Variants in PLCXD1 observed in about 807,000 individuals in gnomAD.
PLCXD1 encodes the protein phosphatidylinositol specific phospholipase C X domain containing 1.
A neutral mutation model predicts 37.8 loss-of-function variants in PLCXD1; 45 were observed. The observed-to-expected ratio is 1.19, with a 90% CI of 0.94 to 1.53. The LOEUF is 1.53. Among genes scored for constraint, PLCXD1 ranks in the 40% most tolerant of loss-of-function variants. PLCXD1 has a pLI of 0.00. For missense variants in PLCXD1, 539 were observed against 454.7 expected, an observed-to-expected ratio of 1.19 and a Z score of -1.69; for synonymous variants, 246 against 206.9, an observed-to-expected ratio of 1.19 and a Z score of -1.62.
intron 1 of PLCXD1, among the ~76,000 whole-genome samples, chrX:282,391 A>AT: frequency 9.9e-6 from 1 of 101,414 alleles, no homozygotes; most frequent in South Asian, 2.6e-4. Context: ...TTTAAAAAAA[A>AT]CAAAACAAAA....
rs2070047842 is a variant in PLCXD1, at chrX:302,472, C to A, written c.*3137C>A. 6.6e-6 allele frequency: 1 copy of A among 152,264 alleles called. No individual in the cohort carries two copies. Among genetic ancestry groups the A allele is most frequent in the African/African-American group, 2.4e-5 (1 of 41,456 alleles). The allele number at this position is 152,264 out of a possible 1,614,324, so 9.4% of individuals were successfully genotyped here. ...GCAATGGCACGATCTCAGCTCACTG[C>A]AACCTCTGCCTCCCGGGTTCAAGTG... On this transcript the variant is annotated 3_prime_UTR_variant, in exon 7 of 7. Coordinates refer to ENST00000381657, the MANE Select transcript of PLCXD1 (RefSeq NM_018390.4).
intron 6 of PLCXD1, 49 bp from the exon 7 acceptor site, chrX:299,048 C>T (rs772527833): frequency 1.8e-5 from 24 of 1,348,120 alleles, no homozygotes; most frequent in South Asian, 1.4e-4. Context: ...GAGAAACAGG[C>T]GGGTGAGGCC....
intron 3 of PLCXD1, among the ~76,000 whole-genome samples, chrX:289,379 G>T (rs182139114): frequency 2.6e-5 from 4 of 151,210 alleles, no homozygotes; most frequent in Admixed American, 1.3e-4. Flanking sequence ...GAGCCACCGC[G>T]CCCGGCCCAG....
rs1299629559 is a variant in PLCXD1 at position 283,660 on chromosome X, CCGGGTGGGGGCGGCCTTGGTGTCAGGCA to C, written c.-21-494_-21-467del. 4.7e-4 allele frequency: 46 copies of C among 97,930 alleles called. 1 individual carries two copies. The highest frequency in any genetic ancestry group is 1.8e-3 in the East Asian group (7 of 3,856). 6.1% of individuals were successfully genotyped at this position (97,930 alleles called of 1,614,324 possible). Reference sequence around the variant, plus strand: ...GGTGGGGGCGGCCTTGGTGTCAGGCCCGGGTGGGGGCGGCCTTGGTGTCAGGCACGGGTGGGGGCGAGGGCAAGAGGGC... The same window carrying C: ...GGTGGGGGCGGCCTTGGTGTCAGGCCCGGGTGGGGGCGAGGGCAAGAGGGC... On this transcript the variant is annotated intron_variant, in intron 1 of 6. Transcript: ENST00000381657.
upstream of PLCXD1, among the ~76,000 whole-genome samples, chrX:279,750 C>T (rs762506060): frequency 6.8e-6 from 1 of 146,058 alleles, no homozygotes; most frequent in Non-Finnish European, 1.5e-5. Flanking sequence ...CACCAGTCTG[C>T]GCAACAGAGC....
intron 6 of PLCXD1, 38 bp downstream of exon 6, chrX:293,256 G>T (rs1319097902): frequency 6.5e-7 from 1 of 1,541,386 alleles, no homozygotes; most frequent in Non-Finnish European, 8.9e-7. Flanking sequence ...ATTCCACACA[G>T]CCTCCCGTGA....
intron 1 of PLCXD1, chrX:283,687 C>T (rs894051103): frequency 2.0e-5 from 3 of 149,666 alleles, no homozygotes; most frequent in African/African-American, 7.5e-5. Context: ...TGGTGTCAGG[C>T]ACGGGTGGGG....
upstream of PLCXD1, chrX:276,425 C>CAAGTCCCCTACGGGGG (rs2069158368): frequency 2.6e-5 from 4 of 152,236 alleles, no homozygotes; most frequent in Non-Finnish European, 5.9e-5. Flanking sequence ...CTCCTGATGG[C>CAAGTCCCCTACGGGGG]AAGTCCCCTA....
At chrX:284,127 G>C in intron 1 of PLCXD1, 40 bp from the exon 2 acceptor site, 2 of 1,568,588 alleles carry the variant, frequency 1.3e-6, no homozygotes, top group Non-Finnish European at 1.8e-6. Flanking sequence ...CTGACCTGAA[G>C]TCACCGTAAA....
chrX:292,935 C>A, intron 5 of PLCXD1, 100 bp from the exon 6 acceptor site: 1 of 779,312 alleles, frequency 1.3e-6, no homozygotes, highest in South Asian at 1.9e-5. Context: ...TTGGTTTATA[C>A]TCGTGTTGGG....
At chrX:295,318 A>T (rs1272950447) in intron 6 of PLCXD1, among the ~76,000 whole-genome samples, 1 of 151,952 alleles carries the variant, frequency 6.6e-6, no homozygotes, top group African/African-American at 2.4e-5. Flanking sequence ...GGAGGGAGGA[A>T]GGTCCTCCCC....
chrX:291,411 G>C (rs955229680), intron 4 of PLCXD1, 88 bp from the exon 5 acceptor site: 3 of 1,486,412 alleles, frequency 2.0e-6, no homozygotes, highest in African/African-American at 2.8e-5. Context: ...CTCCCAAATT[G>C]CTGGGATGAC....
chrX:292,879 C>T (rs753628425), intron 5 of PLCXD1, among the ~76,000 whole-genome samples, 156 bp from the exon 6 acceptor site: 27 of 152,248 alleles, frequency 1.8e-4, no homozygotes, highest in East Asian at 1.4e-3. Context: ...TCCCAAAGTG[C>T]TGGGATTACA....
chrX:293,139 C>A lies in PLCXD1; in HGVS notation c.654C>A (p.Val218=). Residue 218 remains valine (V), a synonymous_variant, in exon 6 of 7, where the codon GTC becomes GTA. Transcript: ENST00000381657. The part of the protein sequence containing the change: ...LRRHHELWPG[V]PYWWGNRVKT... ...GGCACCACGAGCTGTGGCCAGGAGT[C>A]CCCTACTGGTGGGGAAACAGGGTGA... The A allele has an allele frequency of 1.2e-6, 2 of 1,612,222 alleles. No individual in the cohort carries two copies. Among genetic ancestry groups the A allele is most frequent in the Non-Finnish European group, 1.7e-6 (2 of 1,179,310 alleles).
chrX:296,002 G>C (rs1357535024), intron 6 of PLCXD1, among the ~76,000 whole-genome samples: 1 of 151,460 alleles, frequency 6.6e-6, no homozygotes, highest in Non-Finnish European at 1.5e-5. Flanking sequence ...AGTAGAGATG[G>C]GGTTTCTCCA....
chrX:300,852 T>A lies in PLCXD1; in HGVS notation c.*1517T>A. 6.6e-6 allele frequency: 1 copy of A among 151,708 alleles called. No homozygotes were observed. 9.4% of individuals were successfully genotyped at this position (151,708 alleles called of 1,614,324 possible). ...CCGAGTAGCTGGGATGACAGGCATG[T>A]GCCACCACACCCGACTAATTTCATA... On this transcript the variant is annotated 3_prime_UTR_variant, in exon 7 of 7. Coordinates refer to ENST00000381657, the MANE Select transcript of PLCXD1 (RefSeq NM_018390.4).
intron 6 of PLCXD1, among the ~76,000 whole-genome samples, chrX:296,044 T>A (rs992179724): frequency 2.0e-5 from 3 of 151,952 alleles, no homozygotes; most frequent in Non-Finnish European, 4.4e-5. Context: ...ACTCCCGACC[T>A]CAGGTGATCT....
chrX:293,054 A>G lies in PLCXD1; in HGVS notation c.569A>G (p.Gln190Arg). ...TTGCAGGAGGTGCCGACACTGCGGCAGCTGTGGTCCCGGGGCCAACAGGTC... is the reference window on the plus strand; with the variant it reads ...TTGCAGGAGGTGCCGACACTGCGGCGGCTGTGGTCCCGGGGCCAACAGGTC... ...CPRGEVPTLR[Q>R]LWSRGQQVIV... The change falls in exon 6 of 7, where the codon CAG becomes CGG. Residue 190 changes from glutamine (Q) to arginine (R), a missense_variant. Gln to Arg is a conservative substitution (Grantham distance 43). Coordinates refer to ENST00000381657, the MANE Select transcript of PLCXD1 (RefSeq NM_018390.4). 2 of 1,609,012 alleles carry G rather than the reference A, an allele frequency of 1.2e-6. No homozygotes were observed. Among genetic ancestry groups the G allele is most frequent in the Non-Finnish European group, 8.5e-7 (1 of 1,177,842 alleles).
At chrX:281,351 A>ACCCT (rs201660794), upstream of PLCXD1, 1,269 of 152,738 alleles carry the variant, frequency 8.3e-3, 13 homozygotes, top group African/African-American at 0.023. Flanking sequence ...GGCTCCCGGG[A>ACCCT]CCCTCCCTCC....
Sources: gnomAD v4.1 joint callset for allele counts (sites outside exome capture counted in the v4.1 genomes callset) on GRCh38, gnomAD v4.1.1 for gene constraint, MANE v1.5 for transcripts, NCBI Gene and HGNC (gene_info 2026-07-23, HGNC 2026-07-21) for gene names.